CUX1: variants seen among roughly 807,000 people sequenced by gnomAD.
CUX1 encodes protein CASP.
CUX1 carries 31 observed loss-of-function variants against 158.8 expected under a neutral mutation model. That is an observed-to-expected ratio of 0.20 (90% CI 0.15 to 0.26). The LOEUF is 0.26. Among genes scored for constraint, CUX1 ranks in the 10% least tolerant of loss-of-function variants. CUX1 has a pLI of 1.00. For synonymous variants in CUX1, 879 were observed against 862.1 expected, an observed-to-expected ratio of 1.02 and a Z score of -0.34; for missense variants, 1,589 against 2,014.6, an observed-to-expected ratio of 0.79 and a Z score of 4.04.
intron 1 of CUX1, among the ~76,000 whole-genome samples, chr7:101,851,978 A>T (rs1261846262): frequency 4.0e-5 from 6 of 151,702 alleles, no homozygotes; most frequent in Non-Finnish European, 8.8e-5. Flanking sequence ...ACAGGTGCAC[A>T]CCACCACGCC....
rs1016088285 is a variant in CUX1, at chr7:102,254,225, G to A, written c.*5183G>A. The A allele has an allele frequency of 1.1e-4, 107 of 985,296 alleles. No individual in the cohort carries two copies. Among genetic ancestry groups the A allele is most frequent in the Non-Finnish European group, 1.2e-4 (103 of 830,002 alleles). The allele number at this position is 985,296 out of a possible 1,614,324, so 61.0% of individuals were successfully genotyped here. On this transcript the variant is annotated 3_prime_UTR_variant, in exon 24 of 24. Transcript: ENST00000292535. ...GCTCCGAGGGTCTTGTCTTTGGTCCGCCTTCCTTTCTGTCCAGTCCTGCTC... is the reference window on the plus strand; with the variant it reads ...GCTCCGAGGGTCTTGTCTTTGGTCCACCTTCCTTTCTGTCCAGTCCTGCTC...
rs1790019766 is a variant in CUX1 at position 102,257,426 on chromosome 7, A to AG, written c.*8384_*8385insG. On this transcript the variant is annotated 3_prime_UTR_variant, in exon 24 of 24. Coordinates refer to ENST00000292535, the MANE Select transcript of CUX1 (RefSeq NM_181552.4). Reference sequence around the variant, plus strand: ...CCCCCATCTGAGACCTCTTGGAAAAAAAAAATCCCGTGTATTCTGGAGATG... The same window carrying AG: ...CCCCCATCTGAGACCTCTTGGAAAAAGAAAAATCCCGTGTATTCTGGAGATG... 1 of 985,424 alleles carries AG rather than the reference A, an allele frequency of 1.0e-6. No individual in the cohort carries two copies. The allele number at this position is 985,424 out of a possible 1,614,324, so 61.0% of individuals were successfully genotyped here. A position where few individuals can be genotyped will look rare whatever the true frequency, so the allele number is the denominator to read the frequency against.
intron 4 of CUX1, among the ~76,000 whole-genome samples, chr7:102,076,329 G>A (rs1554476664): frequency 6.6e-6 from 1 of 151,952 alleles, no homozygotes; most frequent in Admixed American, 6.6e-5. Flanking sequence ...AGGTTGCAGT[G>A]AGCCGAGATT....
intron 2 of CUX1, among the ~76,000 whole-genome samples, chr7:102,026,811 C>T (rs577348776): frequency 8.3e-6 from 1 of 121,028 alleles, no homozygotes; most frequent in African/African-American, 3.5e-5. Context: ...CAGTGAGACT[C>T]CGTCTTTAAA....
intron 3 of CUX1, among the ~76,000 whole-genome samples, chr7:102,065,515 G>A (rs557365478): frequency 9.2e-5 from 14 of 152,192 alleles, no homozygotes; most frequent in South Asian, 2.1e-4. Context: ...TCTTGTCTGC[G>A]GAGCGGAGGG....
chr7:101,846,510 G>A (rs1287588989), intron 1 of CUX1, among the ~76,000 whole-genome samples: 1 of 151,874 alleles, frequency 6.6e-6, no homozygotes, highest in Non-Finnish European at 1.5e-5. Flanking sequence ...TTTATTTTTT[G>A]TATTTTTTGT....
chr7:102,200,007 C>T (rs1554519202), intron 16 of CUX1, 64 bp from the exon 17 acceptor site: 34 of 1,389,600 alleles, frequency 2.4e-5, no homozygotes, highest in Non-Finnish European at 3.1e-5. Flanking sequence ...ATGACGTCTT[C>T]GCGCAGCGCT....
intron 23 of CUX1, among the ~76,000 whole-genome samples, chr7:102,245,332 C>G (rs1321809081): frequency 6.6e-6 from 1 of 152,220 alleles, no homozygotes; most frequent in Non-Finnish European, 1.5e-5. Context: ...GCATGAGTCC[C>G]TGCACCCGGC....
At position 102,248,876 on chromosome 7, in the gene CUX1, G is replaced by T. The variant is rs782575248; in HGVS notation, c.4352G>T (p.Arg1451Leu). Reference sequence around the variant, plus strand: ...AACAGCAGCAGCAGCAGCGCCCCCCGCAGGCCCAGCTCGCTGCAGAGCCTT... The same window carrying T: ...AACAGCAGCAGCAGCAGCGCCCCCCTCAGGCCCAGCTCGCTGCAGAGCCTT... Reference protein sequence around the residue: ...PSNSSSSSAPRRPSSLQSLFG... With the variant: ...PSNSSSSSAPLRPSSLQSLFG... The change falls in exon 24 of 24, where the codon CGC becomes CTC. Residue 1451 changes from arginine to leucine, a missense_variant. Coordinates refer to ENST00000292535, the MANE Select transcript of CUX1 (RefSeq NM_181552.4). This position sits in a 1 kb window ranked among gnomAD's most constrained non-coding sequence, Gnocchi z 5.8. The T allele has an allele frequency of 1.5e-6, 2 of 1,343,180 alleles. No individual in the cohort carries two copies. Among genetic ancestry groups the T allele is most frequent in the African/African-American group, 1.5e-5 (1 of 64,520 alleles). 83.2% of individuals were successfully genotyped at this position (1,343,180 alleles called of 1,614,324 possible).
At chr7:101,909,774 G>C (rs566477117) in intron 1 of CUX1, among the ~76,000 whole-genome samples, 1 of 152,328 alleles carries the variant, frequency 6.6e-6, no homozygotes, top group East Asian at 1.9e-4. Flanking sequence ...AGAGGTTCTG[G>C]GGGCAGGAGG....
intron 20 of CUX1, among the ~76,000 whole-genome samples, chr7:102,212,626 C>G (rs1554523475): frequency 6.6e-6 from 1 of 152,104 alleles, no homozygotes; most frequent in Non-Finnish European, 1.5e-5. Context: ...CGGTCACCAT[C>G]CCTCCCTCAT....
chr7:102,018,417 A>G (rs1818928101), intron 2 of CUX1, among the ~76,000 whole-genome samples: 1 of 152,268 alleles, frequency 6.6e-6, no homozygotes, highest in Admixed American at 6.5e-5. Flanking sequence ...CCATGAGGAC[A>G]GTCCTGCAGG....
At chr7:102,034,751 C>CAAAAA (rs33994794) in intron 3 of CUX1, among the ~76,000 whole-genome samples, 1 of 117,952 alleles carries the variant, frequency 8.5e-6, no homozygotes, top group African/African-American at 3.4e-5. Flanking sequence ...GACTCCGTCT[C>CAAAAA]AAAAAAAAAA....
At chr7:102,166,223 T>C (rs545222566) in intron 9 of CUX1, among the ~76,000 whole-genome samples, 5 of 152,330 alleles carry the variant, frequency 3.3e-5, no homozygotes, top group Middle Eastern at 3.4e-3. Flanking sequence ...ACCACTGATA[T>C]GCAAGCAGTA....
chr7:102,139,250 A>AG (rs1252997120), intron 8 of CUX1, among the ~76,000 whole-genome samples: 16 of 150,008 alleles, frequency 1.1e-4, no homozygotes, highest in African/African-American at 3.9e-4. Context: ...ATCTTAAAAA[A>AG]AAAAAAAAAA....
intron 8 of CUX1, among the ~76,000 whole-genome samples, chr7:102,126,675 A>C (rs868969701): frequency 6.6e-6 from 1 of 152,172 alleles, no homozygotes; most frequent in Non-Finnish European, 1.5e-5. Flanking sequence ...AAAATCATCT[A>C]ACACAGCTGT....
intron 19 of CUX1, chr7:102,280,762 A>G: frequency 6.2e-7 from 1 of 1,604,398 alleles, no homozygotes; most frequent in Non-Finnish European, 8.5e-7. Flanking sequence ...AGGGCCTGTG[A>G]GGTCCTTTGG....
intron 2 of CUX1, among the ~76,000 whole-genome samples, chr7:102,023,002 G>T (rs985486736): frequency 6.6e-6 from 1 of 152,164 alleles, no homozygotes; most frequent in Admixed American, 6.6e-5. Context: ...ATTACTTGAG[G>T]TCAGGAGTTC....
chr7:102,073,116 A>G (rs1826313574), intron 4 of CUX1, among the ~76,000 whole-genome samples: 1 of 141,970 alleles, frequency 7.0e-6, no homozygotes, highest in African/African-American at 2.6e-5. Flanking sequence ...CAGAGACCCA[A>G]AGACTGTTTA....
Sources: gnomAD v4.1 joint callset for allele counts (sites outside exome capture counted in the v4.1 genomes callset) on GRCh38, gnomAD v4.1.1 for gene constraint, Gnocchi (gnomAD v3.1) non-coding constraint, MANE v1.5 for transcripts, NCBI Gene and HGNC (gene_info 2026-07-23, HGNC 2026-07-21) for gene names.